The following UMOD variants were observed in gnomAD, a reference collection of about 807,000 sequenced individuals.
UMOD encodes the protein Tamm-Horsfall urinary glycoprotein.
UMOD carries 64 observed loss-of-function variants against 66.0 expected under a neutral mutation model. The observed-to-expected ratio is 0.97, with a 90% CI of 0.79 to 1.19. The LOEUF (loss-of-function observed/expected upper bound fraction) is 1.19. Among genes scored for constraint, UMOD ranks in the 50% most tolerant of loss-of-function variants. UMOD has a pLI of 0.00. For missense variants in UMOD, 764 were observed against 850.9 expected (o/e 0.90, Z 1.27); for synonymous variants, 398 against 352.7 (o/e 1.13, Z -1.44).
At chr16:20,346,662 G>A (rs1965602812) in intron 4 of UMOD, among the ~76,000 whole-genome samples, 1 of 152,160 alleles carries the variant, frequency 6.6e-6, no homozygotes, top group Admixed American at 6.5e-5. Flanking sequence ...TAGATGCGGT[G>A]GCTCATGCCT....
chr16:20,344,154 T>C lies in UMOD; in HGVS notation c.1201A>G (p.Thr401Ala), dbSNP rs771252532. The C allele has an allele frequency of 3.6e-6, 5 of 1,399,026 alleles. No individual in the cohort carries two copies. Among genetic ancestry groups the C allele is most frequent in the East Asian group, 3.7e-5 (1 of 26,854 alleles). The allele number at this position is 1,399,026 out of a possible 1,614,324, so 86.7% of individuals were successfully genotyped here. Residue 401 changes from threonine to alanine, a missense_variant, in exon 6 of 11, where the codon ACT becomes GCT. Thr to Ala is a moderately conservative substitution (Grantham distance 58). Coordinates refer to ENST00000396138, the MANE Select transcript of UMOD (RefSeq NM_003361.4). The stretch of plus-strand genomic sequence containing the variant: ...GCCAGGTAGAGGGTGTTGCTGTAAG[T>C]GGCATGGGTTTCATTCCTCTGTTGC... ...TVLTRNETHA[T>A]YSNTLYLADE... is the part of the protein sequence containing the mutation.
At position 20,344,071 on chromosome 16, in the gene UMOD, G is replaced by C. The variant is rs560744128; in HGVS notation, c.1284C>G (p.Pro428=). The C allele has an allele frequency of 1.7e-5, 28 of 1,613,898 alleles. No individual in the cohort carries two copies. Among genetic ancestry groups the C allele is most frequent in the East Asian group, 1.6e-4 (7 of 44,880 alleles). ...NIKINFACSY[P]LDMKVSLKTA... ...TCTTCAGGCTGACTTTCATGTCCAG[G>C]GGGTAGGAGCATGCAAAGTTGATTT... The change falls in exon 6 of 11, where the codon CCC becomes CCG. Residue 428 remains proline (P), a synonymous_variant. Coordinates refer to ENST00000396138, the MANE Select transcript of UMOD (RefSeq NM_003361.4).
chr16:20,341,438 G>A, intron 6 of UMOD, 102 bp from the exon 7 acceptor site: 1 of 1,576,704 alleles, frequency 6.3e-7, no homozygotes, highest in South Asian at 1.1e-5. Flanking sequence ...GCAGTTATTT[G>A]CATTTTTATC....
intron 8 of UMOD, 37 bp downstream of exon 8, chr16:20,337,254 T>G (rs757303193): frequency 6.2e-7 from 1 of 1,612,936 alleles, no homozygotes; most frequent in East Asian, 2.2e-5. Context: ...ATGTCTTTGG[T>G]TACAAGAGAT....
chr16:20,349,890 T>TA (rs2141679674), intron 2 of UMOD: 1 of 1,500,804 alleles, frequency 6.7e-7, no homozygotes, highest in Middle Eastern at 1.7e-4. Flanking sequence ...AAAATAACCA[T>TA]TAAAAAAAAA....
intron 6 of UMOD, among the ~76,000 whole-genome samples, chr16:20,343,129 C>CAATAAATA (rs147846395): frequency 0.028 from 3,225 of 115,892 alleles, 100 homozygotes; most frequent in South Asian, 0.12. Flanking sequence ...GACTCCGTCT[C>CAATAAATA]AATAAATAAA....
At chr16:20,341,510 C>T (rs1946419339) in intron 6 of UMOD, among the ~76,000 whole-genome samples, 174 bp from the exon 7 acceptor site, 1 of 152,180 alleles carries the variant, frequency 6.6e-6, no homozygotes. Context: ...ACACGCAGGT[C>T]AACTTGGGAT....
rs7193058 is a variant in UMOD, at chr16:20,348,779, G to A, written c.522C>T (p.Cys174=). ...EGDALVCADP[C]QAHRTLDEYW... Reference sequence around the variant, plus strand: ...ACTCGTCCAGGGTGCGGTGCGCCTGGCACGGATCCGCGCACACGAGCGCGT... The same window carrying A: ...ACTCGTCCAGGGTGCGGTGCGCCTGACACGGATCCGCGCACACGAGCGCGT... Residue 174 remains cysteine (C), a synonymous_variant, in exon 3 of 11, where the codon TGC becomes TGT. Transcript: ENST00000396138. 1,094,634 of 1,543,230 alleles carry A rather than the reference G, an allele frequency of 0.71. 396,875 individuals carry two copies. Among genetic ancestry groups the A allele is most frequent in the Non-Finnish European group, 0.75 (863,661 of 1,145,860 alleles).
chr16:20,338,920 T>C (rs6497474), intron 7 of UMOD, among the ~76,000 whole-genome samples: 139,506 of 152,154 alleles, frequency 0.92, 65,036 homozygotes, highest in African/African-American at 0.98. Context: ...CCACCATGCC[T>C]GTCTAATTTT....
At chr16:20,336,222 G>C (rs1395912385) in intron 9 of UMOD, among the ~76,000 whole-genome samples, 1 of 152,150 alleles carries the variant, frequency 6.6e-6, no homozygotes, top group Non-Finnish European at 1.5e-5. Flanking sequence ...CATCTACAGG[G>C]GATTATTCAA....
chr16:20,354,504 G>C (rs1966001434), upstream of UMOD, among the ~76,000 whole-genome samples: 1 of 152,152 alleles, frequency 6.6e-6, no homozygotes, highest in African/African-American at 2.4e-5. Context: ...TTGATGAAAA[G>C]GGAAGTTATC....
At chr16:20,340,874 A>G (rs1965168947) in intron 7 of UMOD, among the ~76,000 whole-genome samples, 1 of 151,782 alleles carries the variant, frequency 6.6e-6, no homozygotes, top group South Asian at 2.1e-4. Context: ...TCTGCCTGTA[A>G]TCCCAGCTAC....
chr16:20,337,260 GA>G (rs772835608), intron 8 of UMOD, 30 bp downstream of exon 8: 3 of 1,613,708 alleles, frequency 1.9e-6, no homozygotes, highest in Non-Finnish European at 2.5e-6. Flanking sequence ...TTGGTTACAA[GA>G]GATGGGCTGG....
chr16:20,342,508 T>C (rs933741751), intron 6 of UMOD: 8 of 152,234 alleles, frequency 5.3e-5, no homozygotes, highest in African/African-American at 1.7e-4. Flanking sequence ...TTCCTCCAAG[T>C]CAGCTGTGCA....
chr16:20,344,230 T>A, intron 5 of UMOD, 58 bp from the exon 6 acceptor site: 2 of 1,527,704 alleles, frequency 1.3e-6, no homozygotes, highest in Non-Finnish European at 1.8e-6. Flanking sequence ...GGCATGAGAA[T>A]CTGAGTAGGA....
chr16:20,345,432 T>TTCTTTCTTTCTTTC (rs1965501943), intron 5 of UMOD, among the ~76,000 whole-genome samples: 6 of 63,584 alleles, frequency 9.4e-5, no homozygotes, highest in Non-Finnish European at 2.3e-4. Flanking sequence ...TTCTTTCTCT[T>TTCTTTCTTTCTTTC]TCTTTCTTTC....
At position 20,336,685 on chromosome 16, in the gene UMOD, G is replaced by T; in HGVS notation, c.1783C>A (p.Gln595Lys). The change falls in exon 9 of 11, where the codon CAA becomes AAA. Residue 595 changes from glutamine to lysine, a missense_variant. By Grantham distance (53) the Gln-to-Lys change is moderately conservative (BLOSUM62 1). Transcript: ENST00000396138. ...TRFRSGSVIDQSRVLNLGPIT... is the reference protein window; with the variant it reads ...TRFRSGSVIDKSRVLNLGPIT... Reference sequence around the variant, plus strand: ...GGACCCAAGTTCAGGACACGGGATTGATCTATGACACTCCCACTTCGGAAT... The same window carrying T: ...GGACCCAAGTTCAGGACACGGGATTTATCTATGACACTCCCACTTCGGAAT... 6.2e-7 allele frequency: 1 copy of T among 1,614,182 alleles called. No homozygotes were observed. The highest frequency in any genetic ancestry group is 8.5e-7 in the Non-Finnish European group (1 of 1,180,004).
rs766919534 is a variant in UMOD at position 20,348,447 on chromosome 16, G to A, written c.854C>T (p.Ala285Val). 4 of 1,613,724 alleles carry A rather than the reference G, an allele frequency of 2.5e-6. No individual in the cohort carries two copies. The highest frequency in any genetic ancestry group is 1.7e-5 in the Admixed American group (1 of 60,024). Residue 285 changes from alanine to valine, a missense_variant, in exon 3 of 11, where the codon GCG (alanine) becomes GTG (valine). Ala to Val is a moderately conservative substitution (Grantham distance 64). Coordinates refer to ENST00000396138, the MANE Select transcript of UMOD (RefSeq NM_003361.4). Reference protein sequence around the residue: ...NLTAPPECHLAYCTDPSSVEG... With the variant: ...NLTAPPECHLVYCTDPSSVEG... The stretch of plus-strand genomic sequence containing the variant: ...AGACTCCGGCTGACCTGTGCAGTAC[G>A]CCAGGTGACACTCGGGGGGCGCTGT...
intron 5 of UMOD, among the ~76,000 whole-genome samples, chr16:20,345,400 T>TTTTTTTTCTTTC (rs1555486828): frequency 3.8e-5 from 3 of 77,960 alleles, no homozygotes; most frequent in East Asian, 2.5e-4. Context: ...TTTTCTTTTT[T>TTTTTTTTCTTTC]TTTCTTTCTT....
Sources: gnomAD v4.1 joint callset for allele counts (sites outside exome capture counted in the v4.1 genomes callset) on GRCh38, gnomAD v4.1.1 for gene constraint, MANE v1.5 for transcripts, NCBI Gene and HGNC (gene_info 2026-07-23, HGNC 2026-07-21) for gene names.